PGAM1: variants seen among roughly 807,000 people sequenced by gnomAD.
PGAM1 encodes the protein BPG-dependent PGAM 1.
Under a neutral mutation model 23.5 loss-of-function variants are expected in PGAM1, and 21 were observed. The ratio of observed to expected loss-of-function variants is 0.89; its 90% CI spans 0.63 to 1.29. The LOEUF (loss-of-function observed/expected upper bound fraction) is 1.29. PGAM1 is among the 50% of genes most tolerant of loss of function. PGAM1 has a pLI of 0.00. For missense variants in PGAM1, 232 were observed against 336.3 expected (o/e 0.69, Z 2.42); for synonymous variants, 109 against 128.6 (o/e 0.85, Z 1.03).
chr10:97,429,469 T>C (rs1344325057), intron 1 of PGAM1, among the ~76,000 whole-genome samples: 1 of 152,210 alleles, frequency 6.6e-6, no homozygotes, highest in Admixed American at 6.5e-5. Context: ...CTACTGTGTA[T>C]GGAAGACAGA....
At chr10:97,426,609 C>T (rs955643725) in intron 1 of PGAM1, among the ~76,000 whole-genome samples, 163 bp downstream of exon 1, 1 of 152,268 alleles carries the variant, frequency 6.6e-6, no homozygotes, top group Non-Finnish European at 1.5e-5. Context: ...GTAGAGTCTA[C>T]TTGTTCAAGG....
intron 1 of PGAM1, among the ~76,000 whole-genome samples, chr10:97,429,324 T>C (rs920712012): frequency 1.3e-5 from 2 of 152,054 alleles, no homozygotes; most frequent in African/African-American, 4.8e-5. Flanking sequence ...CACGATGGTC[T>C]CAATCTCCTG....
intron 1 of PGAM1, chr10:97,427,780 C>T: frequency 4.7e-6 from 6 of 1,289,048 alleles, no homozygotes; most frequent in South Asian, 3.7e-5. Context: ...GGCAGATCCT[C>T]CTTTGCTCCC....
Position 97,426,456 on chromosome 10 carries a change from G to A in PGAM1, c.139+10G>A. 1 of 1,587,242 alleles carries A rather than the reference G, an allele frequency of 6.3e-7. No individual in the cohort carries two copies. Among genetic ancestry groups the A allele is most frequent in the Non-Finnish European group, 8.6e-7 (1 of 1,167,298 alleles). On this transcript the variant is annotated intron_variant, in intron 1 of 3. Transcript: ENST00000334828. ...GGGCAGGCGCTACGAGGTGCGGAGG[G>A]GCCGGGTGTGGGCTGCGAAGGGCCG...
chr10:97,430,793 C>A, intron 2 of PGAM1, 140 bp downstream of exon 2: 1 of 1,445,834 alleles, frequency 6.9e-7, no homozygotes, highest in Non-Finnish European at 9.6e-7. Context: ...CCTTCACTTA[C>A]TAGAAGATAT....
intron 1 of PGAM1, chr10:97,427,571 A>G: frequency 3.5e-6 from 4 of 1,158,742 alleles, no homozygotes; most frequent in Non-Finnish European, 4.3e-6. Flanking sequence ...AGTAACAGGT[A>G]GGTGTGAGGA....
At chr10:97,429,092 C>CATTTT (rs1491389285) in intron 1 of PGAM1, among the ~76,000 whole-genome samples, 1 of 84,754 alleles carries the variant, frequency 1.2e-5, no homozygotes, top group Admixed American at 1.5e-4. Flanking sequence ...AGACTGATTC[C>CATTTT]TTTTTTTTTT....
chr10:97,427,449 C>T, intron 1 of PGAM1: 5 of 1,023,030 alleles, frequency 4.9e-6, no homozygotes, highest in Non-Finnish European at 4.7e-6. Context: ...TTTTATCTTT[C>T]TCATCTTTCC....
chr10:97,432,142 C>G (rs921971322), intron 3 of PGAM1, among the ~76,000 whole-genome samples: 1 of 152,150 alleles, frequency 6.6e-6, no homozygotes, highest in Non-Finnish European at 1.5e-5. Context: ...TGTTGGTGGT[C>G]TATCTTGTAT....
At chr10:97,430,907 CAG>C (rs1397276772) in intron 2 of PGAM1, 46 bp from the exon 3 acceptor site, 1 of 1,606,444 alleles carries the variant, frequency 6.2e-7, no homozygotes, top group Admixed American at 1.7e-5. Flanking sequence ...AGTCTTTTAA[CAG>C]ATGTAACTCT....
Position 97,426,423 on chromosome 10 carries a change from A to C in PGAM1, c.116A>C (p.Lys39Thr), listed in dbSNP as rs893710648. Residue 39 changes from lysine to threonine, a missense_variant, in exon 1 of 4, where the codon AAG (lysine) becomes ACG (threonine). Physicochemically the swap from Lys to Thr is moderately conservative, Grantham distance 78. This residue lies in a region of PGAM1 where 38 missense variants were observed against 77.1 expected (regional missense o/e 0.49). Transcript: ENST00000334828. ...DLSPAGHEEA[K>T]RGGQALRDAG... is the part of the protein sequence containing the mutation. ...AGCCCGGCGGGCCACGAGGAGGCGA[A>C]GCGCGGCGGGCAGGCGCTACGAGGT... is the stretch of plus-strand genomic sequence containing the variant. 1 of 1,602,930 alleles carries C rather than the reference A, an allele frequency of 6.2e-7. No homozygotes were observed. The highest frequency in any genetic ancestry group is 1.3e-5 in the African/African-American group (1 of 74,392).
In PGAM1 at chr10:97,426,430, C is replaced by T. The variant is rs201094416; in HGVS notation, c.123C>T (p.Gly41=). 4 of 1,601,864 alleles carry T rather than the reference C, an allele frequency of 2.5e-6. No homozygotes were observed. Among genetic ancestry groups the T allele is most frequent in the East Asian group, 2.2e-5 (1 of 44,466 alleles). ...SPAGHEEAKR[G]GQALRDAGYE... ...CGGGCCACGAGGAGGCGAAGCGCGG[C>T]GGGCAGGCGCTACGAGGTGCGGAGG... The change falls in exon 1 of 4, where the codon GGC becomes GGT. Residue 41 remains glycine, a synonymous_variant. Transcript: ENST00000334828.
chr10:97,426,450 C>T lies in PGAM1; in HGVS notation c.139+4C>T. 3 of 1,593,544 alleles carry T rather than the reference C, an allele frequency of 1.9e-6. No individual in the cohort carries two copies. The highest frequency in any genetic ancestry group is 1.1e-5 in the South Asian group (1 of 89,452). On this transcript the variant is annotated splice_donor_region_variant and intron_variant, in intron 1 of 3. Coordinates refer to ENST00000334828, the MANE Select transcript of PGAM1 (RefSeq NM_002629.4). ...CGCGGCGGGCAGGCGCTACGAGGTG[C>T]GGAGGGGCCGGGTGTGGGCTGCGAA... is the stretch of plus-strand genomic sequence containing the variant.
At position 97,430,672 on chromosome 10, in the gene PGAM1, T is replaced by G; in HGVS notation, c.414+19T>G. 1 of 1,602,608 alleles carries G rather than the reference T, an allele frequency of 6.2e-7. No homozygotes were observed. The highest frequency in any genetic ancestry group is 1.1e-5 in the South Asian group (1 of 91,084). ...CAGTAAGGTATGGACAAACAGAGGT[T>G]TGGTCACTCCGCCCAGGATCAGGGG... On this transcript the variant is annotated intron_variant, in intron 2 of 3. Coordinates refer to ENST00000334828, the MANE Select transcript of PGAM1 (RefSeq NM_002629.4).
At position 97,430,981 on chromosome 10, in the gene PGAM1, A is replaced by G; in HGVS notation, c.441A>G (p.Glu147=). 6.2e-7 allele frequency: 1 copy of G among 1,613,978 alleles called. No homozygotes were observed. The highest frequency in any genetic ancestry group is 8.5e-7 in the Non-Finnish European group (1 of 1,179,886). Residue 147 remains glutamate, a synonymous_variant, in exon 3 of 4, where the codon GAA becomes GAG. Transcript: ENST00000334828. ...SKDRRYADLT[E]DQLPSCESLK... ...ATCGCAGGTATGCAGACCTCACAGA[A>G]GATCAGCTACCCTCCTGTGAGAGTC...
intron 1 of PGAM1, among the ~76,000 whole-genome samples, chr10:97,426,786 C>T (rs1378631655): frequency 6.6e-6 from 1 of 152,240 alleles, no homozygotes; most frequent in East Asian, 1.9e-4. Flanking sequence ...GTAATCCCAG[C>T]ATGTGGGGAG....
Position 97,426,238 on chromosome 10 carries a change from G to C in PGAM1, c.-70G>C. 1 of 1,605,986 alleles carries C rather than the reference G, an allele frequency of 6.2e-7. No homozygotes were observed. The highest frequency in any genetic ancestry group is 1.1e-5 in the South Asian group (1 of 90,664). ...CTGAGCGGTGCGAGCGCGCAGGCGC[G>C]GCCGACGGGGCGGGCTGCTACTCCG... On this transcript the variant is annotated 5_prime_UTR_variant, in exon 1 of 4. Coordinates refer to ENST00000334828, the MANE Select transcript of PGAM1 (RefSeq NM_002629.4).
Position 97,430,243 on chromosome 10 carries a change from A to G in PGAM1, c.140-136A>G, listed in dbSNP as rs1430170377. On this transcript the variant is annotated intron_variant, in intron 1 of 3. Transcript: ENST00000334828. ...CCTTGGATAGAGTGCAAGGATAAAC[A>G]AAACAGTTGGCCAAATATTTTCTTT... 17 of 1,081,734 alleles carry G rather than the reference A, an allele frequency of 1.6e-5. No individual in the cohort carries two copies. The Middle Eastern group carries it at 8.6e-4, about 55-fold the overall frequency. The allele number at this position is 1,081,734 out of a possible 1,614,324, so 67.0% of individuals were successfully genotyped here.
At chr10:97,427,278 C>T in intron 1 of PGAM1, 1 of 986,526 alleles carries the variant, frequency 1.0e-6, no homozygotes, top group Non-Finnish European at 1.2e-6. Flanking sequence ...CTGGGGGTGC[C>T]TAACAAGCCT....
Sources: gnomAD v4.1 joint callset for allele counts (sites outside exome capture counted in the v4.1 genomes callset) on GRCh38, gnomAD v4.1.1 for gene constraint, gnomAD v4.1.1 regional missense constraint, MANE v1.5 for transcripts, NCBI Gene and HGNC (gene_info 2026-07-23, HGNC 2026-07-21) for gene names.